NAA30: variants seen among roughly 807,000 people sequenced by gnomAD.
The protein encoded by NAA30 is N-alpha-acetyltransferase 30.
A neutral mutation model predicts 31.4 loss-of-function variants in NAA30; 5 were observed. The observed-to-expected ratio is 0.16, with a 90% confidence interval of 0.08 to 0.33. NAA30 has a LOEUF of 0.33. Among genes scored for constraint, NAA30 ranks in the 10% least tolerant of loss-of-function variants. NAA30 has a pLI of 1.00. For missense variants in NAA30, 428 were observed against 490.8 expected, an observed-to-expected ratio of 0.87 and a Z score of 1.21; for synonymous variants, 222 against 207.1, an observed-to-expected ratio of 1.07 and a Z score of -0.62.
chr14:57,403,428 T>A (rs1389414381), intron 4 of NAA30, among the ~76,000 whole-genome samples: 1 of 152,216 alleles, frequency 6.6e-6, no homozygotes, highest in Non-Finnish European at 1.5e-5. Context: ...GAAAGGTAGA[T>A]GTTTTTCTCC....
chr14:57,400,104 T>G (rs955431030), intron 4 of NAA30, among the ~76,000 whole-genome samples: 1 of 152,184 alleles, frequency 6.6e-6, no homozygotes, highest in African/African-American at 2.4e-5. Flanking sequence ...GGGGGAATCT[T>G]AGACATTTTC....
chr14:57,405,240 A>T (rs1170339827), intron 4 of NAA30, among the ~76,000 whole-genome samples: 1 of 152,154 alleles, frequency 6.6e-6, no homozygotes, highest in African/African-American at 2.4e-5. Flanking sequence ...AAATTAGATT[A>T]TTAGGAGCCA....
Position 57,414,652 on chromosome 14 carries a change from C to G in NAA30, c.*5136C>G, listed in dbSNP as rs2066539567. The G allele has an allele frequency of 6.6e-6, 1 of 152,240 alleles. No individual in the cohort carries two copies. 9.4% of individuals were successfully genotyped at this position (152,240 alleles called of 1,614,324 possible). ...GGGATGAGGCCAAAGGCCAATGTTA[C>G]TTCTAGAAGAACCAGATTAATTTTT... is the stretch of plus-strand genomic sequence containing the variant. On this transcript the variant is annotated 3_prime_UTR_variant, in exon 5 of 5. Transcript: ENST00000556492.
intron 2 of NAA30, among the ~76,000 whole-genome samples, chr14:57,393,461 T>C (rs527788810): frequency 7.2e-5 from 11 of 152,222 alleles, no homozygotes; most frequent in African/African-American, 2.6e-4. Context: ...AATAAAACAG[T>C]AAAAAAACAA....
At chr14:57,407,368 CT>C (rs932918725) in intron 4 of NAA30, among the ~76,000 whole-genome samples, 3 of 152,076 alleles carry the variant, frequency 2.0e-5, no homozygotes, top group African/African-American at 7.2e-5. Flanking sequence ...TGTTGTTGGG[CT>C]TACCAGCTAG....
chr14:57,396,572 A>G (rs1439960398), intron 2 of NAA30, among the ~76,000 whole-genome samples, 180 bp from the exon 3 acceptor site: 1 of 152,194 alleles, frequency 6.6e-6, no homozygotes, highest in Non-Finnish European at 1.5e-5. Context: ...TTAACACTGG[A>G]ACATTTAAAG....
At chr14:57,407,916 A>G (rs866137252) in intron 4 of NAA30, among the ~76,000 whole-genome samples, 5 of 152,284 alleles carry the variant, frequency 3.3e-5, no homozygotes, top group Middle Eastern at 6.8e-3. Context: ...AGAATTGACA[A>G]TAATCAGTGC....
chr14:57,392,803 C>T (rs2066435610), intron 2 of NAA30, among the ~76,000 whole-genome samples: 1 of 152,164 alleles, frequency 6.6e-6, no homozygotes, highest in African/African-American at 2.4e-5. Context: ...GATATTTTGA[C>T]AATACTTATC....
chr14:57,414,849 T>C lies in NAA30; in HGVS notation c.*5333T>C, dbSNP rs2066540316. The C allele has an allele frequency of 6.6e-6, 1 of 152,202 alleles. No homozygotes were observed. The highest frequency in any genetic ancestry group is 2.4e-5 in the African/African-American group (1 of 41,450). The allele number at this position is 152,202 out of a possible 1,614,324, so 9.4% of individuals were successfully genotyped here. ...GAAAGAGCTCAAAACATGCATTACT[T>C]TGGGGATTAAGTCAGTGTTTAATCT... On this transcript the variant is annotated 3_prime_UTR_variant, in exon 5 of 5. Coordinates refer to ENST00000556492, the MANE Select transcript of NAA30 (RefSeq NM_001011713.3).
rs1342616193 is a variant in NAA30, at chr14:57,415,485, T to C, written c.*5969T>C. 6.6e-6 allele frequency: 1 copy of C among 152,206 alleles called. No individual in the cohort carries two copies. The highest frequency in any genetic ancestry group is 1.5e-5 in the Non-Finnish European group (1 of 68,036). The allele number at this position is 152,206 out of a possible 1,614,324, so 9.4% of individuals were successfully genotyped here. A position where few individuals can be genotyped will look rare whatever the true frequency, so the allele number is the denominator to read the frequency against. On this transcript the variant is annotated 3_prime_UTR_variant, in exon 5 of 5. Coordinates refer to ENST00000556492, the MANE Select transcript of NAA30 (RefSeq NM_001011713.3). ...GTTTTATTTCCTGGTACTTAAATAT[T>C]GTGTAGAGGGAAAGCTAGTTGTAAT...
At chr14:57,402,471 CTCTCT>C (rs367847459) in intron 4 of NAA30, among the ~76,000 whole-genome samples, 326 of 152,288 alleles carry the variant, frequency 2.1e-3, no homozygotes, top group African/African-American at 7.3e-3. Flanking sequence ...TAATCCCTCT[CTCTCT>C]TGTTTAAGTA....
intron 4 of NAA30, among the ~76,000 whole-genome samples, chr14:57,404,601 G>T (rs2139764565): frequency 6.6e-6 from 1 of 152,206 alleles, no homozygotes; most frequent in South Asian, 2.1e-4. Context: ...TTTTCACATT[G>T]CTGATAAAGA....
rs771974311 is a variant in NAA30, at chr14:57,409,634, C to T, written c.*118C>T. On this transcript the variant is annotated 3_prime_UTR_variant, in exon 5 of 5. Transcript: ENST00000556492. The stretch of plus-strand genomic sequence containing the variant: ...TAATTTCCATGCAGCTCTTACCTGT[C>T]AGTGTCTCATTGAGTGTCGCACAAT... 7.1e-5 allele frequency: 69 copies of T among 968,848 alleles called. No homozygotes were observed. Among genetic ancestry groups the T allele is most frequent in the Non-Finnish European group, 9.8e-5 (67 of 684,810 alleles). The allele number at this position is 968,848 out of a possible 1,614,324, so 60.0% of individuals were successfully genotyped here.
chr14:57,405,662 C>A (rs2066495659), intron 4 of NAA30, among the ~76,000 whole-genome samples: 1 of 152,128 alleles, frequency 6.6e-6, no homozygotes, highest in Non-Finnish European at 1.5e-5. Context: ...TTTGTCTATG[C>A]AACATGATGT....
At chr14:57,390,755 G>A in intron 1 of NAA30, 50 bp downstream of exon 1, 1 of 481,342 alleles carries the variant, frequency 2.1e-6, no homozygotes. Flanking sequence ...GGTGGGCCCG[G>A]GCGGACGGGG....
At chr14:57,390,934 C>T in intron 1 of NAA30, 23 bp from the exon 2 acceptor site, 6 of 1,463,408 alleles carry the variant, frequency 4.1e-6, no homozygotes, top group South Asian at 3.0e-5. Context: ...ATGGCCTCCC[C>T]TCTCGGTCTG....
At position 57,413,607 on chromosome 14, in the gene NAA30, T is replaced by G. The variant is rs2139769755; in HGVS notation, c.*4091T>G. On this transcript the variant is annotated 3_prime_UTR_variant, in exon 5 of 5. Coordinates refer to ENST00000556492, the MANE Select transcript of NAA30 (RefSeq NM_001011713.3). ...CCTGGGTTCAAGCAATTCTTGTGCC[T>G]TAGCCTCCTGAGTAGCTGGGACTAC... The G allele has an allele frequency of 1.3e-5, 2 of 152,442 alleles. No individual in the cohort carries two copies. Among genetic ancestry groups the G allele is most frequent in the South Asian group, 4.1e-4 (2 of 4,828 alleles). 9.4% of individuals were successfully genotyped at this position (152,442 alleles called of 1,614,324 possible). A position where few individuals can be genotyped will look rare whatever the true frequency, so the allele number is the denominator to read the frequency against.
intron 4 of NAA30, among the ~76,000 whole-genome samples, chr14:57,408,044 G>A (rs1030262742): frequency 6.6e-6 from 1 of 152,138 alleles, no homozygotes; most frequent in South Asian, 2.1e-4. Context: ...GAATTGAGGA[G>A]GAAGAGCAGA....
Position 57,390,992 on chromosome 14 carries a change from T to C in NAA30, c.35T>C (p.Leu12Pro). 1 of 1,494,680 alleles carries C rather than the reference T, an allele frequency of 6.7e-7. No individual in the cohort carries two copies. The allele number at this position is 1,494,680 out of a possible 1,614,324, so 92.6% of individuals were successfully genotyped here. A position where few individuals can be genotyped will look rare whatever the true frequency, so the allele number is the denominator to read the frequency against. Residue 12 changes from leucine to proline, a missense_variant, in exon 2 of 5, where the codon CTC (leucine) becomes CCC (proline). Physicochemically the swap from Leu to Pro is moderately conservative, Grantham distance 98. This residue lies in a region of NAA30 where 349 missense variants were observed against 310.4 expected (regional missense o/e 1.12). Coordinates refer to ENST00000556492, the MANE Select transcript of NAA30 (RefSeq NM_001011713.3). ...GTACCGCCTGGGCCTAGCAGCCTCC[T>C]CCCACCACCAGCACCTCCGGCCCCG... The part of the protein sequence containing the change: ...AEVPPGPSSL[L>P]PPPAPPAPAA...
Sources: allele counts gnomAD v4.1 joint callset (sites outside exome capture counted in the v4.1 genomes callset), GRCh38; gene constraint gnomAD v4.1.1; regional missense constraint gnomAD v4.1.1; transcripts MANE v1.5; gene names NCBI Gene and HGNC (gene_info 2026-07-23, HGNC 2026-07-21).